NR1H3: variants seen among roughly 807,000 people sequenced by gnomAD.
The protein encoded by NR1H3 is oxysterols receptor LXR-alpha.
Under a neutral mutation model 48.1 loss-of-function variants are expected in NR1H3, and 19 were observed. The observed-to-expected ratio is 0.40, with a 90% CI of 0.28 to 0.58. The LOEUF (loss-of-function observed/expected upper bound fraction) is 0.58. NR1H3 is among the 20% of genes least tolerant of loss of function. The probability of loss-of-function intolerance (pLI) is 0.50; values close to 1 mark genes in which losing one functional copy is unlikely to be tolerated. For missense variants in NR1H3, 486 were observed against 595.9 expected, an observed-to-expected ratio of 0.82 and a Z score of 1.92; for synonymous variants, 232 against 227.3, an observed-to-expected ratio of 1.02 and a Z score of -0.19.
chr11:47,259,728 A>C, intron 2 of NR1H3, 63 bp from the exon 3 acceptor site: 2 of 1,604,956 alleles, frequency 1.2e-6, no homozygotes, highest in Non-Finnish European at 1.7e-6. Flanking sequence ...CCCAGCTAGG[A>C]CGCTGGGCCG....
intron 4 of NR1H3, 127 bp from the exon 5 acceptor site, chr11:47,261,114 T>C: frequency 1.5e-6 from 1 of 684,368 alleles, no homozygotes; most frequent in South Asian, 1.9e-5. Flanking sequence ...CTTTACCCAG[T>C]GCTGTCTGCT....
chr11:47,265,507 A>G (rs1956369964), intron 7 of NR1H3, among the ~76,000 whole-genome samples: 1 of 152,230 alleles, frequency 6.6e-6, no homozygotes, highest in Non-Finnish European at 1.5e-5. Flanking sequence ...GACATTCTCT[A>G]GGTATCATTA....
At chr11:47,263,723 C>T (rs1210597557) in intron 7 of NR1H3, among the ~76,000 whole-genome samples, 1 of 151,882 alleles carries the variant, frequency 6.6e-6, no homozygotes. Context: ...CTGCCTCAGC[C>T]TCCTGAGTAG....
upstream of NR1H3, among the ~76,000 whole-genome samples, chr11:47,254,768 C>T (rs1183229976): frequency 6.6e-6 from 1 of 152,174 alleles, no homozygotes; most frequent in African/African-American, 2.4e-5. Context: ...CCCTCTCCCA[C>T]CCTGTGCTTC....
chr11:47,264,811 C>T (rs994395725), intron 7 of NR1H3, among the ~76,000 whole-genome samples: 11 of 152,234 alleles, frequency 7.2e-5, no homozygotes, highest in African/African-American at 2.7e-4. Context: ...TCCCTATCCG[C>T]TACTATTTAC....
Position 47,268,741 on chromosome 11 carries a change from G to A in NR1H3, c.*45G>A, listed in dbSNP as rs775381392. On this transcript the variant is annotated 3_prime_UTR_variant, in exon 10 of 10. Coordinates refer to ENST00000441012, the MANE Select transcript of NR1H3 (RefSeq NM_005693.4). Reference sequence around the variant, plus strand: ...TCTGTTTTCTTGGCCGGATGGCTGAGGCCTGGTGGCTGCCTCCTAGAAGTG... The same window carrying A: ...TCTGTTTTCTTGGCCGGATGGCTGAAGCCTGGTGGCTGCCTCCTAGAAGTG... 8.8e-6 allele frequency: 14 copies of A among 1,598,942 alleles called. No individual in the cohort carries two copies. The South Asian group carries it at 1.6e-4, about 18-fold the overall frequency.
chr11:47,260,651 C>T lies in NR1H3; in HGVS notation c.475C>T (p.Arg159Cys), dbSNP rs752046081. 15 of 1,605,394 alleles carry T rather than the reference C, an allele frequency of 9.3e-6. No individual in the cohort carries two copies. Among genetic ancestry groups the T allele is most frequent in the Admixed American group, 5.1e-5 (3 of 59,296 alleles). The change falls in exon 4 of 10, where the codon CGT becomes TGT. Residue 159 changes from arginine to cysteine, a missense_variant. Transcript: ENST00000441012. ...KCQECRLRKC[R>C]QAGMREECVL... is the part of the protein sequence containing the mutation. Reference sequence around the variant, plus strand: ...CCAGGAGTGTCGGCTTCGCAAATGCCGTCAGGCTGGCATGCGGGAGGAGTG... The same window carrying T: ...CCAGGAGTGTCGGCTTCGCAAATGCTGTCAGGCTGGCATGCGGGAGGAGTG...
upstream of NR1H3, chr11:47,257,839 C>CGGCTG: frequency 1.0e-6 from 1 of 960,338 alleles, no homozygotes; most frequent in Non-Finnish European, 1.2e-6. Context: ...AGGGGGTGGC[C>CGGCTG]GGCTGGGGAG....
intron 1 of NR1H3, 35 bp downstream of exon 1, chr11:47,258,164 G>A: frequency 1.0e-6 from 1 of 985,462 alleles, no homozygotes; most frequent in African/African-American, 1.7e-5. Flanking sequence ...CTGGGGCTCT[G>A]TGTGTGTATC....
At chr11:47,258,910 T>C in intron 1 of NR1H3, 1 of 415,478 alleles carries the variant, frequency 2.4e-6, no homozygotes. Context: ...GCGCAGTGGC[T>C]TACTCCAATA....
chr11:47,267,679 TTG>T (rs1338255433), intron 7 of NR1H3, among the ~76,000 whole-genome samples: 3 of 152,232 alleles, frequency 2.0e-5, no homozygotes, highest in African/African-American at 7.2e-5. Context: ...CGGCTAGTTT[TTG>T]TGTTTTTAGT....
intron 7 of NR1H3, among the ~76,000 whole-genome samples, chr11:47,265,492 TGA>T (rs1417167096): frequency 6.6e-6 from 1 of 152,186 alleles, no homozygotes; most frequent in Non-Finnish European, 1.5e-5. Flanking sequence ...ACAATGTGTA[TGA>T]GAGACATTCT....
chr11:47,248,947 G>C (rs1236901489), exon 1 of NR1H3: 3 of 1,532,356 alleles, frequency 2.0e-6, no homozygotes, highest in Non-Finnish European at 2.6e-6. Context: ...CAGTCTCGGT[G>C]GGATTGCGTG....
intron 2 of NR1H3, chr11:47,259,548 C>T: frequency 6.7e-7 from 1 of 1,484,748 alleles, no homozygotes; most frequent in Non-Finnish European, 9.0e-7. Context: ...CTCTGAAATG[C>T]ATACACTCCA....
chr11:47,250,024 C>T (rs775820598), intron 1 of NR1H3, among the ~76,000 whole-genome samples: 7 of 152,084 alleles, frequency 4.6e-5, no homozygotes, highest in Non-Finnish European at 8.8e-5. Flanking sequence ...CGCTTGAACT[C>T]GGAAAGCGGA....
chr11:47,261,835 G>A, intron 6 of NR1H3, 84 bp from the exon 7 acceptor site: 1 of 1,597,114 alleles, frequency 6.3e-7, no homozygotes, highest in Middle Eastern at 1.7e-4. Context: ...AAGCAGGGAT[G>A]AGGAGAATCG....
At chr11:47,263,574 C>G (rs1274013044) in intron 7 of NR1H3, among the ~76,000 whole-genome samples, 1 of 151,476 alleles carries the variant, frequency 6.6e-6, no homozygotes, top group Non-Finnish European at 1.5e-5. Flanking sequence ...CCACACACAG[C>G]CTCCCCTACT....
In NR1H3 at chr11:47,260,684, C is replaced by T. The variant is rs1398407742; in HGVS notation, c.499+9C>T. ...TGGCATGCGGGAGGAGTGTGAGTTT[C>T]TGGGGCTGGAGTGGGGAAGAGGCTG... On this transcript the variant is annotated intron_variant, in intron 4 of 9. Coordinates refer to ENST00000441012, the MANE Select transcript of NR1H3 (RefSeq NM_005693.4). The T allele has an allele frequency of 6.3e-7, 1 of 1,586,506 alleles. No homozygotes were observed. Among genetic ancestry groups the T allele is most frequent in the East Asian group, 2.3e-5 (1 of 44,284 alleles).
Position 47,268,924 on chromosome 11 carries a change from CGGAT to C in NR1H3, c.*231_*234del. ...CTGAAGATCATGCTGACCCCACAAACGGATGGGCCTGGGGGCCACTTTGCACAGG... is the reference window on the plus strand; with the variant it reads ...CTGAAGATCATGCTGACCCCACAAACGGGCCTGGGGGCCACTTTGCACAGG... On this transcript the variant is annotated 3_prime_UTR_variant, in exon 10 of 10. Coordinates refer to ENST00000441012, the MANE Select transcript of NR1H3 (RefSeq NM_005693.4). 1.8e-6 allele frequency: 1 copy of C among 550,996 alleles called. No individual in the cohort carries two copies. The highest frequency in any genetic ancestry group is 3.2e-6 in the Non-Finnish European group (1 of 315,652). The allele number at this position is 550,996 out of a possible 1,614,324, so 34.1% of individuals were successfully genotyped here.
Sources: gnomAD v4.1 joint callset for allele counts (sites outside exome capture counted in the v4.1 genomes callset) on GRCh38, gnomAD v4.1.1 for gene constraint, MANE v1.5 for transcripts, NCBI Gene and HGNC (gene_info 2026-07-23, HGNC 2026-07-21) for gene names.